The following DOCK3 variants were observed in gnomAD, a reference collection of about 807,000 sequenced individuals.
The protein encoded by DOCK3 is dedicator of cytokinesis protein 3.
Under a neutral mutation model 265.6 loss-of-function variants are expected in DOCK3, and 60 were observed. The observed-to-expected ratio is 0.23, with a 90% CI of 0.18 to 0.28. The LOEUF is 0.28. Ranked by LOEUF, DOCK3 falls within the 10% of genes least tolerant of loss-of-function variation. The pLI is 1.00. For synonymous variants in DOCK3, 881 were observed against 938.0 expected, an observed-to-expected ratio of 0.94 and a Z score of 1.11; for missense variants, 1,981 against 2,594.3, an observed-to-expected ratio of 0.76 and a Z score of 5.14.
chr3:50,809,519 A>G (rs2043618830), intron 2 of DOCK3, among the ~76,000 whole-genome samples: 2 of 152,244 alleles, frequency 1.3e-5, no homozygotes, highest in South Asian at 4.1e-4. Context: ...ACTATATACT[A>G]TAGCTGAATA....
intron 1 of DOCK3, among the ~76,000 whole-genome samples, chr3:50,748,252 C>G (rs1207457234): frequency 6.6e-6 from 1 of 152,152 alleles, no homozygotes; most frequent in East Asian, 1.9e-4. Context: ...AGTGATCTTT[C>G]CACTTCAGCC....
At chr3:51,026,436 T>G (rs2108915847) in intron 5 of DOCK3, among the ~76,000 whole-genome samples, 1 of 131,936 alleles carries the variant, frequency 7.6e-6, no homozygotes, top group South Asian at 2.2e-4. Flanking sequence ...GCCTGTAGTT[T>G]TTTTTTTTTT....
At chr3:51,023,751 A>G (rs774897966) in intron 5 of DOCK3, among the ~76,000 whole-genome samples, 8 of 152,118 alleles carry the variant, frequency 5.3e-5, no homozygotes, top group Non-Finnish European at 1.0e-4. Context: ...ATCTCCCTGG[A>G]AAATTTTTCA....
intron 5 of DOCK3, among the ~76,000 whole-genome samples, chr3:51,053,591 T>G (rs2081088333): frequency 1.3e-5 from 2 of 151,852 alleles, no homozygotes; most frequent in Non-Finnish European, 2.9e-5. Flanking sequence ...CCGGCTAATT[T>G]TTTGTATTTT....
chr3:51,311,947 C>G (rs893414116), intron 28 of DOCK3, 57 bp from the exon 29 acceptor site: 1 of 1,337,078 alleles, frequency 7.5e-7, no homozygotes, highest in African/African-American at 1.4e-5. Flanking sequence ...GATACCAAGC[C>G]ATCAGATGCC....
intron 9 of DOCK3, among the ~76,000 whole-genome samples, chr3:51,136,234 C>CTT (rs753725852): frequency 1.4e-5 from 2 of 144,018 alleles, no homozygotes; most frequent in Admixed American, 6.9e-5. Flanking sequence ...CCCCCGCCAC[C>CTT]TTTTTTTTTT....
intron 5 of DOCK3, among the ~76,000 whole-genome samples, chr3:51,034,642 A>G (rs963388605): frequency 6.6e-6 from 1 of 152,118 alleles, no homozygotes; most frequent in Non-Finnish European, 1.5e-5. Context: ...AAAGAAATCA[A>G]TAGCAAAAAT....
chr3:51,017,181 A>T (rs2079382604), intron 5 of DOCK3, among the ~76,000 whole-genome samples: 1 of 150,412 alleles, frequency 6.6e-6, no homozygotes, highest in Non-Finnish European at 1.5e-5. Flanking sequence ...TTTTCATAGT[A>T]GCCACTAATG....
intron 5 of DOCK3, among the ~76,000 whole-genome samples, chr3:50,996,886 T>C (rs2078306765): frequency 6.6e-6 from 1 of 152,194 alleles, no homozygotes; most frequent in African/African-American, 2.4e-5. Flanking sequence ...CAGCACCTCT[T>C]TTCTATTTGC....
intron 5 of DOCK3, among the ~76,000 whole-genome samples, chr3:50,935,545 A>G (rs557280743): frequency 6.6e-6 from 1 of 152,246 alleles, no homozygotes; most frequent in East Asian, 1.9e-4. Context: ...CTTGATTTCT[A>G]CTTTCCTTGT....
rs1036940193 is a variant in DOCK3, at chr3:51,013,621, G to A, written c.316-50827G>A. On this transcript the variant is annotated intron_variant, in intron 5 of 52. Transcript: ENST00000266037. The stretch of plus-strand genomic sequence containing the variant: ...AGGTGTCTCCAAGTTAGTCTACTTG[G>A]CGGTCAGGGACCAACTTGAGTAGGC... Among the ~76,000 whole-genome samples, 5 of 152,198 alleles carry A rather than the reference G, an allele frequency of 3.3e-5. No individual in the cohort carries two copies. In the South Asian group the frequency reaches 1.0e-3, roughly 32 times the overall value.
chr3:51,165,175 A>G (rs143704249), intron 12 of DOCK3, among the ~76,000 whole-genome samples: 19 of 152,064 alleles, frequency 1.2e-4, no homozygotes, highest in Admixed American at 8.5e-4. Flanking sequence ...CTAACCTCGT[A>G]CTCAGCCTCC....
intron 2 of DOCK3, among the ~76,000 whole-genome samples, chr3:50,797,102 C>A (rs1200086796): frequency 6.6e-6 from 1 of 152,142 alleles, no homozygotes; most frequent in Non-Finnish European, 1.5e-5. Flanking sequence ...GACAACATGG[C>A]AGAGTGCACA....
chr3:50,741,087 C>T (rs956524078), intron 1 of DOCK3, among the ~76,000 whole-genome samples: 4 of 151,510 alleles, frequency 2.6e-5, no homozygotes, highest in African/African-American at 7.3e-5. Flanking sequence ...AGTGTTTTCA[C>T]GGTTCTATAT....
intron 9 of DOCK3, among the ~76,000 whole-genome samples, chr3:51,107,404 T>A (rs1238879790): frequency 1.3e-5 from 2 of 152,118 alleles, no homozygotes; most frequent in Non-Finnish European, 2.9e-5. Context: ...TGAATAGGAA[T>A]GAAGATCATT....
At chr3:50,824,631 A>G (rs544085875) in intron 2 of DOCK3, among the ~76,000 whole-genome samples, 1 of 152,170 alleles carries the variant, frequency 6.6e-6, no homozygotes, top group South Asian at 2.1e-4. Context: ...TTTTCTGGAT[A>G]TATTATTGGC....
At chr3:50,815,332 T>C (rs1047844779) in intron 2 of DOCK3, among the ~76,000 whole-genome samples, 25 of 152,342 alleles carry the variant, frequency 1.6e-4, no homozygotes, top group African/African-American at 5.1e-4. Context: ...TTGTTTTCTT[T>C]GGAATTAATA....
At chr3:50,962,724 T>G (rs1217868225) in intron 5 of DOCK3, among the ~76,000 whole-genome samples, 3 of 152,234 alleles carry the variant, frequency 2.0e-5, no homozygotes, top group Non-Finnish European at 4.4e-5. Context: ...TTTTATTTTT[T>G]CTTCTTGTTC....
chr3:51,326,866 C>T (rs939209520), intron 32 of DOCK3, among the ~76,000 whole-genome samples: 1 of 152,074 alleles, frequency 6.6e-6, no homozygotes, highest in Non-Finnish European at 1.5e-5. Flanking sequence ...CTCATGTGAT[C>T]CACCTGCCTC....
Sources: gnomAD v4.1 joint callset for allele counts (sites outside exome capture counted in the v4.1 genomes callset) on GRCh38, gnomAD v4.1.1 for gene constraint, MANE v1.5 for transcripts, NCBI Gene and HGNC (gene_info 2026-07-23, HGNC 2026-07-21) for gene names.